The following BTD variants were observed in gnomAD, a reference collection of about 807,000 sequenced individuals.
BTD encodes the protein biocytinase.
Under a neutral mutation model 17.7 loss-of-function variants are expected in BTD, and 13 were observed. The ratio of observed to expected loss-of-function variants is 0.74; its 90% CI spans 0.48 to 1.17. The LOEUF (loss-of-function observed/expected upper bound fraction) is 1.17, where lower values mean the gene tolerates loss of function less well. BTD is among the 50% of genes most tolerant of loss of function. The pLI, the probability that BTD is intolerant of heterozygous loss-of-function variation, is 0.00. For missense variants in BTD, 674 were observed against 650.4 expected (o/e 1.04, Z -0.39); for synonymous variants, 240 against 245.2 (o/e 0.98, Z 0.20).
At chr3:15,615,189 A>G (rs755703552) in intron 1 of BTD, among the ~76,000 whole-genome samples, 3 of 152,172 alleles carry the variant, frequency 2.0e-5, no homozygotes, top group Non-Finnish European at 2.9e-5. Context: ...ACATCTCAAA[A>G]TCACTTTGTG....
intron 3 of BTD, chr3:15,686,570 A>G (rs1307377165): frequency 4.3e-6 from 2 of 462,874 alleles, no homozygotes; most frequent in African/African-American, 4.0e-5. Context: ...CTCTAAAAGA[A>G]TGCTCATTTT....
chr3:15,712,047 T>C (rs371620763), exon 4 of BTD: 7 of 956,908 alleles, frequency 7.3e-6, no homozygotes, highest in African/African-American at 6.5e-5. Flanking sequence ...ACTGGACCCA[T>C]CTGCATTAAT....
chr3:15,719,259 C>A (rs1172787614), intron 4 of BTD, among the ~76,000 whole-genome samples: 1 of 152,100 alleles, frequency 6.6e-6, no homozygotes. Context: ...TGACCCGTGG[C>A]ATCATTAAAG....
At chr3:15,714,597 T>C, downstream of BTD, 1 of 1,595,932 alleles carries the variant, frequency 6.3e-7, no homozygotes, top group Non-Finnish European at 8.5e-7. Flanking sequence ...TAATGGTTTG[T>C]GATCGGGAGA....
At chr3:15,605,249 G>T (rs891473523) in intron 1 of BTD, among the ~76,000 whole-genome samples, 2 of 152,202 alleles carry the variant, frequency 1.3e-5, no homozygotes, top group Non-Finnish European at 2.9e-5. Context: ...GGAAGATGAA[G>T]GAGGAGCAAA....
At chr3:15,679,152 A>C in intron 3 of BTD, 5 of 649,736 alleles carry the variant, frequency 7.7e-6, no homozygotes, top group Non-Finnish European at 1.1e-5. Flanking sequence ...TTTTTTTGGT[A>C]GAGATGCAGG....
intron 3 of BTD, among the ~76,000 whole-genome samples, chr3:15,662,050 G>A (rs1036181353): frequency 1.3e-5 from 2 of 152,144 alleles, no homozygotes; most frequent in Admixed American, 1.3e-4. Flanking sequence ...AGTGTAAGTT[G>A]GGTAGTGTAA....
downstream of BTD, among the ~76,000 whole-genome samples, chr3:15,717,519 T>A (rs1441681136): frequency 4.0e-5 from 6 of 148,322 alleles, no homozygotes; most frequent in South Asian, 2.1e-4. Flanking sequence ...AAACTAGGAG[T>A]ATTAAGAAAA....
chr3:15,647,995 C>T lies in BTD; in HGVS notation c.*2507C>T, dbSNP rs1267548759. Among the ~76,000 whole-genome samples the T allele has an allele frequency of 6.6e-6, 1 of 152,192 alleles. No individual in the cohort carries two copies. Among genetic ancestry groups the T allele is most frequent in the East Asian group, 1.9e-4 (1 of 5,192 alleles). ...TGTCCAGAGCCCCTGCTGAGGGAAA[C>T]CCACCCAGGCCACTTTTCCCCACAG... On this transcript the variant is annotated 3_prime_UTR_variant, in exon 4 of 4. Coordinates refer to ENST00000643237, the MANE Select transcript of BTD (RefSeq NM_001370658.1).
At chr3:15,679,199 G>T in intron 3 of BTD, 2 of 1,103,244 alleles carry the variant, frequency 1.8e-6, no homozygotes, top group Non-Finnish European at 2.7e-6. Flanking sequence ...TAAACTCCTG[G>T]CTTCAAGTCA....
chr3:15,645,050 G>A lies in BTD; in HGVS notation c.1134G>A (p.Met378Ile). The change falls in exon 4 of 4, where the codon ATG (methionine) becomes ATA (isoleucine). Residue 378 changes from methionine to isoleucine, a missense_variant. Physicochemically the swap from Met to Ile is conservative, Grantham distance 10. Transcript: ENST00000643237. ...VNAPPTFHSE[M>I]MYDNFTLVPV... ...CTCCTCCCACATTTCACTCTGAGAT[G>A]ATGTATGACAATTTCACCCTGGTCC... 6.2e-7 allele frequency: 1 copy of A among 1,614,202 alleles called. No individual in the cohort carries two copies. The highest frequency in any genetic ancestry group is 8.5e-7 in the Non-Finnish European group (1 of 1,180,040).
chr3:15,660,268 C>T (rs576853403), intron 3 of BTD, among the ~76,000 whole-genome samples: 31 of 152,350 alleles, frequency 2.0e-4, no homozygotes, highest in South Asian at 2.1e-4. Context: ...TCCTTCTTGC[C>T]TCCCACTCGT....
At chr3:15,692,471 A>C (rs766122607) in intron 3 of BTD, among the ~76,000 whole-genome samples, 2 of 152,210 alleles carry the variant, frequency 1.3e-5, no homozygotes, top group Non-Finnish European at 2.9e-5. Context: ...AATAAATAAA[A>C]AATAAAAATG....
intron 3 of BTD, chr3:15,678,091 A>T (rs2067141174): frequency 2.0e-6 from 2 of 1,018,380 alleles, no homozygotes; most frequent in Admixed American, 6.1e-5. Context: ...AACAGGTAAA[A>T]GGTTTTAAGT....
At chr3:15,691,789 G>C (rs2068835839) in intron 3 of BTD, among the ~76,000 whole-genome samples, 1 of 152,158 alleles carries the variant, frequency 6.6e-6, no homozygotes, top group Admixed American at 6.5e-5. Flanking sequence ...GCTACTGAAA[G>C]AATGAACTCT....
intron 3 of BTD, chr3:15,670,036 G>T: frequency 2.1e-6 from 1 of 482,000 alleles, no homozygotes; most frequent in Non-Finnish European, 3.7e-6. Context: ...ATTCCACAAA[G>T]AATTCTGACA....
At chr3:15,612,198 C>T (rs555747973) in intron 1 of BTD, among the ~76,000 whole-genome samples, 98 of 152,250 alleles carry the variant, frequency 6.4e-4, no homozygotes, top group Admixed American at 1.2e-3. Context: ...ATATAATCCT[C>T]ATGTTTATTT....
At chr3:15,634,130 T>C (rs1417703755) in intron 1 of BTD, among the ~76,000 whole-genome samples, 1 of 152,238 alleles carries the variant, frequency 6.6e-6, no homozygotes, top group Non-Finnish European at 1.5e-5. Context: ...CATTTCTAGT[T>C]CTTAGTCTGT....
intron 4 of BTD, chr3:15,721,074 A>G (rs1196490793): frequency 6.2e-7 from 1 of 1,613,800 alleles, no homozygotes; most frequent in South Asian, 1.1e-5. Context: ...CATCTTGTCC[A>G]TTATAGCAGG....
Sources: allele counts gnomAD v4.1 joint callset (sites outside exome capture counted in the v4.1 genomes callset), GRCh38; gene constraint gnomAD v4.1.1; transcripts MANE v1.5; gene names NCBI Gene and HGNC (gene_info 2026-07-23, HGNC 2026-07-21).